Variants in STPG2 observed in about 807,000 individuals in gnomAD.
STPG2 encodes sperm tail PG-rich repeat containing 2.
STPG2 carries 56 observed loss-of-function variants against 54.2 expected under a neutral mutation model. The ratio of observed to expected loss-of-function variants is 1.03; its 90% CI spans 0.83 to 1.29. The LOEUF (loss-of-function observed/expected upper bound fraction) is 1.29. Among genes scored for constraint, STPG2 ranks in the 50% most tolerant of loss-of-function variants. The pLI is 0.00. For missense variants in STPG2, 596 were observed against 544.9 expected, an observed-to-expected ratio of 1.09 and a Z score of -0.93; for synonymous variants, 200 against 181.8, an observed-to-expected ratio of 1.10 and a Z score of -0.81.
At chr4:97,851,326 A>AAGTGCATG (rs1377763093) in intron 8 of STPG2, among the ~76,000 whole-genome samples, 1 of 152,196 alleles carries the variant, frequency 6.6e-6, no homozygotes, top group Admixed American at 6.5e-5. Context: ...TGTCAGTTAT[A>AAGTGCATG]AGTGCATGAA....
intron 5 of STPG2, among the ~76,000 whole-genome samples, chr4:98,017,950 T>A (rs9998763): frequency 0.39 from 59,991 of 152,082 alleles, 12,071 homozygotes; most frequent in Middle Eastern, 0.46. Context: ...TGATTGTAAG[T>A]TTCCTGAGGC....
intron 4 of STPG2, among the ~76,000 whole-genome samples, chr4:97,496,023 C>T (rs1578343049): frequency 6.6e-6 from 1 of 151,678 alleles, no homozygotes; most frequent in East Asian, 2.0e-4. Context: ...GATTTACACA[C>T]ACAAACATGC....
chr4:98,104,711 G>A (rs1170881616), intron 5 of STPG2, among the ~76,000 whole-genome samples: 1 of 152,056 alleles, frequency 6.6e-6, no homozygotes, highest in African/African-American at 2.4e-5. Flanking sequence ...ACAAGCCTCT[G>A]GGTAAGCTCA....
At chr4:97,727,885 G>C (rs148667529) in intron 9 of STPG2, among the ~76,000 whole-genome samples, 1 of 151,948 alleles carries the variant, frequency 6.6e-6, no homozygotes, top group African/African-American at 2.4e-5. Context: ...AATGAAAGCA[G>C]AGATAGAATC....
At chr4:97,725,377 A>G (rs913649540) in intron 9 of STPG2, among the ~76,000 whole-genome samples, 2 of 151,994 alleles carry the variant, frequency 1.3e-5, no homozygotes, top group Non-Finnish European at 2.9e-5. Flanking sequence ...AAATAGCCAC[A>G]TGAAAGACAA....
At chr4:98,138,558 T>C (rs901282784) in intron 1 of STPG2, among the ~76,000 whole-genome samples, 1 of 152,124 alleles carries the variant, frequency 6.6e-6, no homozygotes, top group African/African-American at 2.4e-5. Flanking sequence ...GAAAACGGCA[T>C]TTTTCACATA....
intron 3 of STPG2, among the ~76,000 whole-genome samples, chr4:98,113,166 T>A (rs1739412678): frequency 6.6e-6 from 1 of 151,998 alleles, no homozygotes; most frequent in Non-Finnish European, 1.5e-5. Context: ...ATCCGGCAGC[T>A]TTAGCTGTGA....
intron 7 of STPG2, among the ~76,000 whole-genome samples, chr4:97,971,462 C>T (rs186142622): frequency 4.3e-4 from 66 of 152,192 alleles, no homozygotes; most frequent in Non-Finnish European, 7.4e-4. Flanking sequence ...CCATGGAATA[C>T]TATGCAGCCA....
chr4:97,469,344 G>T (rs1274502449), intron 4 of STPG2, among the ~76,000 whole-genome samples: 1 of 152,082 alleles, frequency 6.6e-6, no homozygotes, highest in Non-Finnish European at 1.5e-5. Context: ...GGAATGAAAT[G>T]AACCAAAACC....
chr4:97,695,812 C>A (rs6532689), intron 10 of STPG2, among the ~76,000 whole-genome samples: 67,994 of 151,200 alleles, frequency 0.45, 16,743 homozygotes, highest in South Asian at 0.62. Flanking sequence ...AAGTGAAAGA[C>A]TTCTGCAAGG....
At chr4:97,986,987 G>A (rs867020366) in intron 5 of STPG2, among the ~76,000 whole-genome samples, 6 of 152,190 alleles carry the variant, frequency 3.9e-5, no homozygotes, top group Admixed American at 2.0e-4. Flanking sequence ...CCAGGCCCTG[G>A]TACTCCCTAA....
intron 4 of STPG2, among the ~76,000 whole-genome samples, chr4:97,553,298 T>C (rs1732006835): frequency 6.6e-6 from 1 of 152,212 alleles, no homozygotes; most frequent in Admixed American, 6.5e-5. Flanking sequence ...GGCCATTTTA[T>C]TTTTGTTACA....
At chr4:98,025,071 A>T (rs1226701215) in intron 5 of STPG2, among the ~76,000 whole-genome samples, 1 of 152,182 alleles carries the variant, frequency 6.6e-6, no homozygotes, top group African/African-American at 2.4e-5. Context: ...GAGGATAGCA[A>T]AAAGGCTCTC....
intron 5 of STPG2, among the ~76,000 whole-genome samples, chr4:98,004,004 G>GTGTA (rs1048065712): frequency 1.3e-5 from 2 of 148,628 alleles, no homozygotes; most frequent in Admixed American, 1.4e-4. Context: ...ACGTGTGTGT[G>GTGTA]TGTATGTGTG....
intron 4 of STPG2, among the ~76,000 whole-genome samples, chr4:98,107,758 A>C (rs1389168034): frequency 7.1e-6 from 1 of 140,640 alleles, no homozygotes; most frequent in African/African-American, 2.7e-5. Flanking sequence ...TAAAACTGAG[A>C]AGAGGGGAAA....
chr4:97,934,512 C>G (rs953616584), intron 8 of STPG2, among the ~76,000 whole-genome samples: 2 of 152,070 alleles, frequency 1.3e-5, no homozygotes, highest in Admixed American at 1.3e-4. Context: ...ATAAATGGCT[C>G]TTATTATTTT....
At chr4:98,109,539 A>C (rs9999200) in intron 3 of STPG2, among the ~76,000 whole-genome samples, 60,084 of 151,990 alleles carry the variant, frequency 0.4, 12,125 homozygotes, top group Middle Eastern at 0.46. Flanking sequence ...TAACATTAGC[A>C]TATTCTCAAC....
At position 97,635,656 on chromosome 4, in the gene STPG2, C is replaced by A. The variant is rs1002079615; in HGVS notation, c.1321-76539G>T. Among the ~76,000 whole-genome samples the A allele has an allele frequency of 7.2e-5, 11 of 152,084 alleles. No homozygotes were observed. In the South Asian group the frequency reaches 1.0e-3, roughly 14 times the overall value. On this transcript the variant is annotated intron_variant, in intron 10 of 10. Coordinates refer to ENST00000295268, the MANE Select transcript of STPG2 (RefSeq NM_174952.3). The stretch of plus-strand genomic sequence containing the variant: ...AAGGGATGGAGGAAGATCTACGAAG[C>A]AAATGGAAAACAAAAAAAGGCAGGG...
intron 4 of STPG2, among the ~76,000 whole-genome samples, chr4:97,519,870 C>T (rs1731146774): frequency 6.6e-6 from 1 of 151,918 alleles, no homozygotes; most frequent in Admixed American, 6.6e-5. Flanking sequence ...TAGGTAATTC[C>T]TGAAATAAAC....
Sources: gnomAD v4.1 joint callset for allele counts (sites outside exome capture counted in the v4.1 genomes callset) on GRCh38, gnomAD v4.1.1 for gene constraint, MANE v1.5 for transcripts, NCBI Gene and HGNC (gene_info 2026-07-23, HGNC 2026-07-21) for gene names.